Variants in ZNF765 observed in about 807,000 individuals in gnomAD.
The protein encoded by ZNF765 is zinc finger protein 765.
Under a neutral mutation model 44.7 loss-of-function variants are expected in ZNF765, and 37 were observed. That is an observed-to-expected ratio of 0.83 (90% CI 0.64 to 1.09). The LOEUF is 1.09. Ranked by LOEUF, ZNF765 falls within the 50% of genes least tolerant of loss-of-function variation. The pLI, the probability that ZNF765 is intolerant of heterozygous loss-of-function variation, is 0.00. For missense variants in ZNF765, 594 were observed against 626.1 expected (o/e 0.95, Z 0.55); for synonymous variants, 201 against 213.7 (o/e 0.94, Z 0.52).
Position 53,410,917 on chromosome 19 carries a change from AATCTT to A in ZNF765, c.*1793_*1797del, listed in dbSNP as rs1255811612. The A allele has an allele frequency of 4.6e-6, 2 of 436,422 alleles. No homozygotes were observed. Among genetic ancestry groups the A allele is most frequent in the African/African-American group, 2.0e-5 (1 of 48,876 alleles). 27.0% of individuals were successfully genotyped at this position (436,422 alleles called of 1,614,324 possible). A position where few individuals can be genotyped will look rare whatever the true frequency, so the allele number is the denominator to read the frequency against. ...CATCAGAGAATGCATACTGGACAGA[AATCTT>A]ATAAATGTCATCAGTGTGCCAAAGT... On this transcript the variant is annotated 3_prime_UTR_variant, in exon 4 of 4. Transcript: ENST00000396408.
chr19:53,397,054 A>G (rs977988252), intron 1 of ZNF765, among the ~76,000 whole-genome samples: 6 of 152,266 alleles, frequency 3.9e-5, no homozygotes, highest in Non-Finnish European at 7.3e-5. Context: ...TTTTGAATCG[A>G]CTGAAGGAGG....
At chr19:53,400,065 G>A (rs776429106) in intron 2 of ZNF765, among the ~76,000 whole-genome samples, 1 of 152,136 alleles carries the variant, frequency 6.6e-6, no homozygotes, top group Non-Finnish European at 1.5e-5. Context: ...ACCTGCCTCA[G>A]CCACTCAAAG....
chr19:53,415,283 GAAAAGA>G (rs990459904), downstream of ZNF765, among the ~76,000 whole-genome samples: 47 of 149,606 alleles, frequency 3.1e-4, no homozygotes, highest in Admixed American at 9.9e-4. Flanking sequence ...AAAAAAAAAA[GAAAAGA>G]AAAAGAAAAA....
At chr19:53,416,774 A>G (rs760445631), downstream of ZNF765, among the ~76,000 whole-genome samples, 7 of 151,174 alleles carry the variant, frequency 4.6e-5, no homozygotes, top group African/African-American at 9.7e-5. Context: ...TGAAATTTCT[A>G]TATTATTTGG....
downstream of ZNF765, among the ~76,000 whole-genome samples, chr19:53,416,965 G>A (rs553495418): frequency 5.9e-5 from 9 of 151,886 alleles, no homozygotes; most frequent in South Asian, 1.7e-3. Context: ...TTACAGGCGC[G>A]CACCACCACG....
intron 3 of ZNF765, among the ~76,000 whole-genome samples, chr19:53,420,208 T>G (rs2085899195): frequency 6.6e-6 from 1 of 151,994 alleles, no homozygotes; most frequent in South Asian, 2.1e-4. Context: ...GGCGCATGCC[T>G]GTAATCCCAG....
chr19:53,404,594 A>G (rs1376122956), intron 3 of ZNF765, among the ~76,000 whole-genome samples: 1 of 152,106 alleles, frequency 6.6e-6, no homozygotes, highest in Non-Finnish European at 1.5e-5. Flanking sequence ...CTGGGACTAC[A>G]GGCACATGCC....
At chr19:53,415,363 T>C (rs1160117763), downstream of ZNF765, among the ~76,000 whole-genome samples, 1 of 152,092 alleles carries the variant, frequency 6.6e-6, no homozygotes, top group East Asian at 1.9e-4. Context: ...CAAATATATA[T>C]TTAAATATTT....
At chr19:53,396,714 T>G (rs1274814265) in intron 1 of ZNF765, among the ~76,000 whole-genome samples, 2 of 152,246 alleles carry the variant, frequency 1.3e-5, no homozygotes, top group Non-Finnish European at 2.9e-5. Context: ...AAACTTGTTC[T>G]TCTTTTCTTT....
chr19:53,396,402 A>G (rs963839871), intron 1 of ZNF765, among the ~76,000 whole-genome samples: 4 of 152,246 alleles, frequency 2.6e-5, no homozygotes, highest in Admixed American at 6.5e-5. Context: ...ACATCTAAAA[A>G]GCTGAGCATT....
intron 3 of ZNF765, among the ~76,000 whole-genome samples, chr19:53,404,897 C>T (rs1233588769): frequency 1.3e-5 from 2 of 152,210 alleles, no homozygotes; most frequent in African/African-American, 4.8e-5. Flanking sequence ...TGCTCCTGTT[C>T]CTGCCTCAGT....
Position 53,403,159 on chromosome 19 carries a change from C to CAA in ZNF765, c.142+978_142+979dup, listed in dbSNP as rs113162788. ...CTGGCGACAGAGCGGGACTCTGTCT[C>CAA]AAAAAAAAAAAGAAAAAAAAATTTC... On this transcript the variant is annotated intron_variant, in intron 3 of 3. Coordinates refer to ENST00000396408, the MANE Select transcript of ZNF765 (RefSeq NM_001040185.3). Among the ~76,000 whole-genome samples the CAA allele has an allele frequency of 1.1e-3, 155 of 138,168 alleles. 2 individuals carry two copies. In the East Asian group the frequency reaches 0.025, roughly 22 times the overall value. The allele number at this position is 138,168 out of a possible 152,430, so 90.6% of individuals were successfully genotyped here. A position where few individuals can be genotyped will look rare whatever the true frequency, so the allele number is the denominator to read the frequency against.
At chr19:53,424,980 A>G (rs1442070064) in exon 4 of ZNF765, 1 of 152,130 alleles carries the variant, frequency 6.6e-6, no homozygotes, top group African/African-American at 2.4e-5. Flanking sequence ...CCTCCATTCT[A>G]TAACCCTTGA....
chr19:53,404,289 T>A (rs2085755477), intron 3 of ZNF765, among the ~76,000 whole-genome samples: 1 of 152,126 alleles, frequency 6.6e-6, no homozygotes, highest in African/African-American at 2.4e-5. Flanking sequence ...TTGGTCAGGC[T>A]GGTCTCGAAC....
intron 3 of ZNF765, among the ~76,000 whole-genome samples, chr19:53,403,127 C>T (rs114755943): frequency 0.014 from 2,162 of 151,604 alleles, 8 homozygotes; most frequent in African/African-American, 0.019. Flanking sequence ...TGCCACTGCA[C>T]TCCAGACTGG....
chr19:53,421,557 C>T (rs528769063), intron 3 of ZNF765, among the ~76,000 whole-genome samples: 8 of 152,140 alleles, frequency 5.3e-5, no homozygotes, highest in East Asian at 1.9e-4. Flanking sequence ...TCTTGTTACC[C>T]GGGCTGGAGT....
Position 53,409,613 on chromosome 19 carries a change from A to C in ZNF765, c.*486A>C. 7.0e-7 allele frequency: 1 copy of C among 1,434,894 alleles called. No homozygotes were observed. The highest frequency in any genetic ancestry group is 9.7e-7 in the Non-Finnish European group (1 of 1,026,238). 88.9% of individuals were successfully genotyped at this position (1,434,894 alleles called of 1,614,324 possible). On this transcript the variant is annotated 3_prime_UTR_variant, in exon 4 of 4. Coordinates refer to ENST00000396408, the MANE Select transcript of ZNF765 (RefSeq NM_001040185.3). ...GGAGAATTCATACTGGAGAGAAACC[A>C]TACAAGTGTAATGAGTGTGGCAAGA... is the stretch of plus-strand genomic sequence containing the variant.
chr19:53,416,277 G>A (rs1243729633), downstream of ZNF765, among the ~76,000 whole-genome samples: 1 of 152,094 alleles, frequency 6.6e-6, no homozygotes, highest in Non-Finnish European at 1.5e-5. Context: ...ATGGTAGCGG[G>A]TGCCTTTAGT....
chr19:53,413,058 C>T (rs937791466), downstream of ZNF765: 1 of 331,876 alleles, frequency 3.0e-6, no homozygotes, highest in Non-Finnish European at 5.8e-6. Flanking sequence ...TGCAGTGAGC[C>T]GAGATGGCGC....
Sources: gnomAD v4.1 joint callset for allele counts (sites outside exome capture counted in the v4.1 genomes callset) on GRCh38, gnomAD v4.1.1 for gene constraint, MANE v1.5 for transcripts, NCBI Gene and HGNC (gene_info 2026-07-23, HGNC 2026-07-21) for gene names.